EYA4: variants seen among roughly 807,000 people sequenced by gnomAD.
EYA4 encodes EYA transcriptional coactivator and phosphatase 4, also known as protein phosphatase EYA4.
In EYA4, 31 loss-of-function variants were observed where a neutral mutation model predicts 87.9. The observed-to-expected ratio is 0.35, with a 90% CI of 0.27 to 0.48. EYA4 has a LOEUF of 0.48. Ranked by LOEUF, EYA4 falls within the 20% of genes least tolerant of loss-of-function variation. EYA4 has a pLI of 0.99. For synonymous variants in EYA4, 263 were observed against 270.6 expected (o/e 0.97, Z 0.28); for missense variants, 678 against 761.4 (o/e 0.89, Z 1.29).
chr6:133,351,120 A>T (rs1009906075), intron 2 of EYA4, among the ~76,000 whole-genome samples: 1 of 152,158 alleles, frequency 6.6e-6, no homozygotes, highest in Non-Finnish European at 1.5e-5. Context: ...GTAACTTCCG[A>T]ATCAGCTTAA....
intron 13 of EYA4, among the ~76,000 whole-genome samples, chr6:133,504,448 C>T (rs1798414605): frequency 1.3e-5 from 2 of 152,176 alleles, no homozygotes; most frequent in African/African-American, 4.8e-5. Context: ...CCACATAAAT[C>T]TCTAAATGAG....
chr6:133,253,832 C>G (rs894409482), intron 1 of EYA4, among the ~76,000 whole-genome samples: 23 of 151,978 alleles, frequency 1.5e-4, no homozygotes, highest in African/African-American at 5.6e-4. Context: ...ATGTGTCTGT[C>G]TTCTAGAGAG....
chr6:133,403,472 A>T (rs2128520109), intron 3 of EYA4, among the ~76,000 whole-genome samples: 1 of 152,342 alleles, frequency 6.6e-6, no homozygotes, highest in South Asian at 2.1e-4. Context: ...GCCTGCTTTA[A>T]CCACAGGGGG....
rs185138468 is a variant in EYA4 at position 133,425,142 on chromosome 6, A to G, written c.84-21488A>G. 1.9e-3 allele frequency among the ~76,000 whole-genome samples: 293 copies of G among 150,896 alleles called. 4 individuals are homozygous for G. Among genetic ancestry groups the G allele is most frequent in the Non-Finnish European group, 3.2e-3 (215 of 68,028 alleles). On this transcript the variant is annotated intron_variant, in intron 3 of 19. Transcript: ENST00000355286. Reference sequence around the variant, plus strand: ...CATTTGTGTTATTTCCAGCTGTTTAATTGACCACTTAATCTTTCACAGAAG... The same window carrying G: ...CATTTGTGTTATTTCCAGCTGTTTAGTTGACCACTTAATCTTTCACAGAAG...
At chr6:133,525,123 C>T (rs757901122) in intron 18 of EYA4, 31 bp from the exon 19 acceptor site, 1 of 1,613,610 alleles carries the variant, frequency 6.2e-7, no homozygotes, top group South Asian at 1.1e-5. Flanking sequence ...CAGGTAACTT[C>T]ACTCTGAACT....
At chr6:133,337,998 GT>G (rs1472119339) in intron 2 of EYA4, among the ~76,000 whole-genome samples, 11 of 152,136 alleles carry the variant, frequency 7.2e-5, no homozygotes, top group African/African-American at 2.7e-4. Context: ...CAGAAACTCT[GT>G]TTTCGGCCAG....
intron 3 of EYA4, among the ~76,000 whole-genome samples, chr6:133,425,261 G>A (rs897283027): frequency 1.3e-5 from 2 of 150,704 alleles, no homozygotes; most frequent in Non-Finnish European, 2.9e-5. Flanking sequence ...GGGACAGGAC[G>A]TGCATAGGTA....
chr6:133,340,245 A>C (rs1782681920), intron 2 of EYA4, among the ~76,000 whole-genome samples: 1 of 152,156 alleles, frequency 6.6e-6, no homozygotes, highest in Non-Finnish European at 1.5e-5. Context: ...ACACAGAAAA[A>C]CCATTTAAAA....
chr6:133,279,284 G>A (rs1777430889), intron 2 of EYA4, among the ~76,000 whole-genome samples: 1 of 152,088 alleles, frequency 6.6e-6, no homozygotes, highest in South Asian at 2.1e-4. Flanking sequence ...TTCCCTAAAT[G>A]TTATGCATTA....
chr6:133,330,236 G>T (rs1289687086), intron 2 of EYA4, among the ~76,000 whole-genome samples: 1 of 151,988 alleles, frequency 6.6e-6, no homozygotes, highest in East Asian at 1.9e-4. Context: ...CATACATTGG[G>T]TAGAAGACAA....
intron 2 of EYA4, among the ~76,000 whole-genome samples, chr6:133,353,700 G>C (rs1783804152): frequency 6.6e-6 from 1 of 152,092 alleles, no homozygotes; most frequent in Non-Finnish European, 1.5e-5. Flanking sequence ...AAAAGACTTA[G>C]CCAAACACAT....
rs3777801 is a variant in EYA4 at position 133,383,910 on chromosome 6, C to A, written c.83+1469C>A. On this transcript the variant is annotated intron_variant, in intron 3 of 19. Coordinates refer to ENST00000355286, the MANE Select transcript of EYA4 (RefSeq NM_004100.5). ...AGACTGGGGCTCTATTCCTTGGAGG[C>A]ACCTCCTTCCTAAGTATTTGCAGAC... Among the ~76,000 whole-genome samples, 35 of 152,302 alleles carry A rather than the reference C, an allele frequency of 2.3e-4. No homozygotes were observed. The East Asian group carries it at 6.6e-3, about 29-fold the overall frequency.
chr6:133,455,207 A>G (rs1488435536), intron 5 of EYA4, among the ~76,000 whole-genome samples: 1 of 152,206 alleles, frequency 6.6e-6, no homozygotes, highest in East Asian at 1.9e-4. Context: ...AATAGGGATT[A>G]CTGTGCAAAT....
At position 133,448,173 on chromosome 6, in the gene EYA4, G is replaced by T. The variant is rs1356492542; in HGVS notation, c.271G>T (p.Ala91Ser). ...GCTGAGTTGCAACACCCCCTCTTCT[G>T]CAACAAGTATGAGAGATGCTGGTAC... ...WLLSCNTPSS[A>S]TMSLLAVKTE... is the part of the protein sequence containing the mutation. The change falls in exon 5 of 20, where the codon GCA (alanine) becomes TCA (serine). Residue 91 changes from alanine to serine, a missense_variant. Ala to Ser is a moderately conservative substitution (Grantham distance 99, BLOSUM62 1). Transcript: ENST00000355286. The T allele has an allele frequency of 2.5e-6, 4 of 1,612,044 alleles. No individual in the cohort carries two copies. Among genetic ancestry groups the T allele is most frequent in the Non-Finnish European group, 3.4e-6 (4 of 1,178,218 alleles).
intron 1 of EYA4, among the ~76,000 whole-genome samples, chr6:133,266,127 C>G (rs534919728): frequency 6.6e-6 from 1 of 152,094 alleles, no homozygotes; most frequent in Admixed American, 6.5e-5. Flanking sequence ...GGAATGTGAC[C>G]TCATTTGGAA....
chr6:133,373,967 C>T (rs1257674494), intron 2 of EYA4, among the ~76,000 whole-genome samples: 1 of 151,832 alleles, frequency 6.6e-6, no homozygotes, highest in Admixed American at 6.6e-5. Context: ...TTTGCCTGCC[C>T]CACTGGGTAA....
chr6:133,480,141 C>T (rs1317876268), intron 11 of EYA4, among the ~76,000 whole-genome samples: 1 of 152,120 alleles, frequency 6.6e-6, no homozygotes, highest in South Asian at 2.1e-4. Context: ...TTCTGACATA[C>T]TAGCTCATAA....
chr6:133,335,709 C>T lies in EYA4; in HGVS notation c.34-46683C>T, dbSNP rs1265860434. ...GGGAAATAATGTGCACACTCTGTAGCGGGAGGGAGCATGGTGCATTGTGAA... is the reference window on the plus strand; with the variant it reads ...GGGAAATAATGTGCACACTCTGTAGTGGGAGGGAGCATGGTGCATTGTGAA... On this transcript the variant is annotated intron_variant, in intron 2 of 19. Coordinates refer to ENST00000355286, the MANE Select transcript of EYA4 (RefSeq NM_004100.5). Among the ~76,000 whole-genome samples, 10 of 152,086 alleles carry T rather than the reference C, an allele frequency of 6.6e-5. No homozygotes were observed. In the East Asian group the frequency reaches 1.4e-3, roughly 21 times the overall value.
At chr6:133,341,682 A>G (rs1312168508) in intron 2 of EYA4, among the ~76,000 whole-genome samples, 1 of 152,160 alleles carries the variant, frequency 6.6e-6, no homozygotes, top group Non-Finnish European at 1.5e-5. Context: ...ATTGACTCAC[A>G]AATGAATAGC....
Sources: allele counts gnomAD v4.1 joint callset (sites outside exome capture counted in the v4.1 genomes callset), GRCh38; gene constraint gnomAD v4.1.1; transcripts MANE v1.5; gene names NCBI Gene and HGNC (gene_info 2026-07-23, HGNC 2026-07-21).